Variants in ZNF839 observed in about 807,000 individuals in gnomAD.
The protein encoded by ZNF839 is renal carcinoma antigen NY-REN-50.
Under a neutral mutation model 56.4 loss-of-function variants are expected in ZNF839, and 38 were observed. That is an observed-to-expected ratio of 0.67 (90% CI 0.52 to 0.88). The LOEUF (loss-of-function observed/expected upper bound fraction) is 0.88, where lower values mean the gene tolerates loss of function less well. Among genes scored for constraint, ZNF839 ranks in the 40% least tolerant of loss-of-function variants. The pLI is 0.00. For missense variants in ZNF839, 1,091 were observed against 1,177.6 expected, an observed-to-expected ratio of 0.93 and a Z score of 1.08; for synonymous variants, 486 against 493.5, an observed-to-expected ratio of 0.98 and a Z score of 0.20.
chr14:102,337,244 ACTGCAACCTCCCCTC>A (rs1424818927), intron 5 of ZNF839: 3 of 151,748 alleles, frequency 2.0e-5, no homozygotes, highest in Non-Finnish European at 4.4e-5. Flanking sequence ...ATCTTGGCTC[ACTGCAACCTCCCCTC>A]CTGGGTTCAA....
chr14:102,334,761 T>C (rs1340195006), intron 4 of ZNF839, 115 bp downstream of exon 4: 1 of 515,210 alleles, frequency 1.9e-6, no homozygotes. Flanking sequence ...ATTTTATTTT[T>C]GAGACAGGGT....
At chr14:102,334,480 T>C in intron 3 of ZNF839, 74 bp from the exon 4 acceptor site, 1 of 1,057,436 alleles carries the variant, frequency 9.5e-7, no homozygotes, top group Non-Finnish European at 1.4e-6. Context: ...TTATGTTGTA[T>C]ATTGCACCAA....
intron 1 of ZNF839, among the ~76,000 whole-genome samples, chr14:102,325,617 C>T (rs1358315284): frequency 6.6e-6 from 1 of 151,970 alleles, no homozygotes; most frequent in African/African-American, 2.4e-5. Context: ...GCCTCAGCCT[C>T]CTGAGTAGCT....
chr14:102,319,972 G>C lies in ZNF839; in HGVS notation c.207G>C (p.Leu69=). 1 of 1,168,502 alleles carries C rather than the reference G, an allele frequency of 8.6e-7. No individual in the cohort carries two copies. The highest frequency in any genetic ancestry group is 4.0e-5 in the South Asian group (1 of 24,878). The allele number at this position is 1,168,502 out of a possible 1,614,324, so 72.4% of individuals were successfully genotyped here. A position where few individuals can be genotyped will look rare whatever the true frequency, so the allele number is the denominator to read the frequency against. Residue 69 remains leucine (L), a synonymous_variant, in exon 1 of 8, where the codon CTG becomes CTC. Coordinates refer to ENST00000442396, the MANE Select transcript of ZNF839 (RefSeq NM_018335.6). This position sits in a 1 kb window ranked among gnomAD's most constrained non-coding sequence, Gnocchi z 4.5. ...PFVLRDAARR[L]RDAAQQAALQ... ...TGCTGCGGGACGCGGCGCGGCGGCT[G>C]CGGGACGCGGCCCAACAGGCCGCCC...
intron 1 of ZNF839, 102 bp downstream of exon 1, chr14:102,320,155 T>TA (rs1325582213): frequency 4.8e-5 from 50 of 1,038,340 alleles, no homozygotes; most frequent in Non-Finnish European, 5.5e-5. Flanking sequence ...CCGCCCGGGT[T>TA]AAGACTCAGG....
At chr14:102,328,375 A>AAAAATATATAT (rs1197718891) in intron 2 of ZNF839, among the ~76,000 whole-genome samples, 2 of 16,346 alleles carry the variant, frequency 1.2e-4, no homozygotes, top group African/African-American at 1.6e-4. Flanking sequence ...AAAAAAAAAA[A>AAAAATATATAT]ATATATATAT....
At chr14:102,325,876 G>A in intron 1 of ZNF839, 109 bp from the exon 2 acceptor site, 3 of 1,278,352 alleles carry the variant, frequency 2.3e-6, no homozygotes, top group Non-Finnish European at 3.2e-6. Context: ...TTATATGTAA[G>A]ATGTAATTTA....
rs1197718891 is a variant in ZNF839, at chr14:102,328,375, A to AAAAAATATAT, written c.1191+1489_1191+1490insAAAATATATA. Among the ~76,000 whole-genome samples, 9 of 16,330 alleles carry AAAAAATATAT rather than the reference A, an allele frequency of 5.5e-4. 1 individual carries two copies. The highest frequency in any genetic ancestry group is 2.8e-3 in the South Asian group (1 of 352). 10.7% of individuals were successfully genotyped at this position (16,330 alleles called of 152,430 possible). A position where few individuals can be genotyped will look rare whatever the true frequency, so the allele number is the denominator to read the frequency against. ...ATCTCAAAAAAAAAAAAAAAAAAAA[A>AAAAAATATAT]ATATATATATATATATATATATATA... On this transcript the variant is annotated intron_variant, in intron 2 of 7. Transcript: ENST00000442396.
intron 1 of ZNF839, among the ~76,000 whole-genome samples, chr14:102,322,460 A>T (rs2073180070): frequency 6.6e-6 from 1 of 152,220 alleles, no homozygotes; most frequent in Non-Finnish European, 1.5e-5. Flanking sequence ...CAAGCATAAT[A>T]CCCACAGGGT....
At chr14:102,334,799 G>T in intron 4 of ZNF839, 153 bp downstream of exon 4, 1 of 326,678 alleles carries the variant, frequency 3.1e-6, no homozygotes, top group Non-Finnish European at 5.3e-6. Flanking sequence ...CTAGAGTGCA[G>T]TGGCACCATC....
At chr14:102,318,963 C>A (rs562135149), upstream of ZNF839, among the ~76,000 whole-genome samples, 1 of 152,326 alleles carries the variant, frequency 6.6e-6, no homozygotes, top group African/African-American at 2.4e-5. Flanking sequence ...ACCTCCTGCT[C>A]TCCCTGGGGA....
chr14:102,322,603 C>T (rs897210777), intron 1 of ZNF839, among the ~76,000 whole-genome samples: 3 of 152,150 alleles, frequency 2.0e-5, no homozygotes, highest in African/African-American at 7.2e-5. Context: ...GAGACAGGGT[C>T]TTTCTTTCTC....
intron 7 of ZNF839, 81 bp downstream of exon 7, chr14:102,339,304 A>C: frequency 6.6e-7 from 1 of 1,517,786 alleles, no homozygotes; most frequent in Non-Finnish European, 8.8e-7. Context: ...CAGGATTGCC[A>C]TTTTTCAGGT....
rs1377495593 is a variant in ZNF839, at chr14:102,332,864, C to T, written c.1416+1018C>T. 6.6e-6 allele frequency among the ~76,000 whole-genome samples: 1 copy of T among 152,162 alleles called. No homozygotes were observed. The highest frequency in any genetic ancestry group is 2.4e-5 in the African/African-American group (1 of 41,432). ...GGCGGAGGTTGCAGTGAGCCAAGAT[C>T]GTGCCATTGCACTCCAGCCTGGGGG... is the stretch of plus-strand genomic sequence containing the variant. On this transcript the variant is annotated intron_variant, in intron 3 of 7. Coordinates refer to ENST00000442396, the MANE Select transcript of ZNF839 (RefSeq NM_018335.6). This position sits in a 1 kb window ranked among gnomAD's most constrained non-coding sequence, Gnocchi z 4.9.
rs76582000 is a variant in ZNF839 at position 102,338,760 on chromosome 14, T to G, written c.1660-56T>G. 1,807 of 1,607,980 alleles carry G rather than the reference T, an allele frequency of 1.1e-3. 15 individuals carry two copies. The African/African-American group carries it at 0.021, about 19-fold the overall frequency. On this transcript the variant is annotated intron_variant, in intron 5 of 7. Transcript: ENST00000442396. Reference sequence around the variant, plus strand: ...TTTAATTCTTGCATGTGAATGTGCTTCTGGGGGTGTGTGCTGTTTGGGTGA... The same window carrying G: ...TTTAATTCTTGCATGTGAATGTGCTGCTGGGGGTGTGTGCTGTTTGGGTGA...
chr14:102,318,891 C>A (rs1006399778), upstream of ZNF839, among the ~76,000 whole-genome samples: 5 of 152,140 alleles, frequency 3.3e-5, no homozygotes, highest in Admixed American at 6.5e-5. Flanking sequence ...GACTGTATAC[C>A]CCCCAGGGCG....
rs772398389 is a variant in ZNF839, at chr14:102,339,177, C to G, written c.1881C>G (p.Asn627Lys). 3 of 1,612,500 alleles carry G rather than the reference C, an allele frequency of 1.9e-6. No homozygotes were observed. The East Asian group carries it at 6.7e-5, about 36-fold the overall frequency. Residue 627 changes from asparagine (N) to lysine (K), a missense_variant, in exon 7 of 8, where the codon AAC (asparagine) becomes AAG (lysine). By Grantham distance (94) the Asn-to-Lys change is moderately conservative. This residue lies in a region of ZNF839 where 431 missense variants were observed against 468.0 expected (regional missense o/e 0.92). Transcript: ENST00000442396. The stretch of plus-strand genomic sequence containing the variant: ...ATACCACTGAATCTCTTGCTGCCAA[C>G]AGCAGAGGCCGGGAGAAGCCCAGGC... ...SNDTTESLAA[N>K]SRGREKPRPL... is the part of the protein sequence containing the mutation.
chr14:102,328,971 T>C (rs1019603091), intron 2 of ZNF839, among the ~76,000 whole-genome samples: 1 of 148,880 alleles, frequency 6.7e-6, no homozygotes, highest in African/African-American at 2.5e-5. Context: ...CCCTGCTTTC[T>C]TCTTTTTTTT....
In ZNF839 at chr14:102,331,606, G is replaced by A; in HGVS notation, c.1192-16G>A. On this transcript the variant is annotated splice_polypyrimidine_tract_variant and intron_variant, in intron 2 of 7. Coordinates refer to ENST00000442396, the MANE Select transcript of ZNF839 (RefSeq NM_018335.6). ...TGATTGTTTTATTTTACTTTTGGGT[G>A]TGCAACACTGTCTAGAATGGTCAGT... is the stretch of plus-strand genomic sequence containing the variant. The A allele has an allele frequency of 6.3e-7, 1 of 1,596,416 alleles. No individual in the cohort carries two copies. Among genetic ancestry groups the A allele is most frequent in the South Asian group, 1.1e-5 (1 of 88,754 alleles).
Sources: allele counts gnomAD v4.1 joint callset (sites outside exome capture counted in the v4.1 genomes callset), GRCh38; gene constraint gnomAD v4.1.1; regional missense constraint gnomAD v4.1.1; non-coding constraint Gnocchi (gnomAD v3.1); transcripts MANE v1.5; gene names NCBI Gene and HGNC (gene_info 2026-07-23, HGNC 2026-07-21).